Variants in NCKAP5 observed in about 807,000 individuals in gnomAD.
NCKAP5 encodes the protein nck-associated protein 5.
Under a neutral mutation model 167.0 loss-of-function variants are expected in NCKAP5, and 92 were observed. The ratio of observed to expected loss-of-function variants is 0.55; its 90% confidence interval spans 0.47 to 0.66. The LOEUF (loss-of-function observed/expected upper bound fraction) is 0.66. Among genes scored for constraint, NCKAP5 ranks in the 30% least tolerant of loss-of-function variants. NCKAP5 has a pLI of 0.00. For synonymous variants in NCKAP5, 891 were observed against 877.4 expected, an observed-to-expected ratio of 1.02 and a Z score of -0.27; for missense variants, 2,378 against 2,315.0, an observed-to-expected ratio of 1.03 and a Z score of -0.56.
chr2:132,966,732 C>G (rs1176767877), intron 7 of NCKAP5, among the ~76,000 whole-genome samples: 1 of 152,148 alleles, frequency 6.6e-6, no homozygotes, highest in Non-Finnish European at 1.5e-5. Flanking sequence ...ACCTAACAGC[C>G]AACAGCACTG....
intron 10 of NCKAP5, among the ~76,000 whole-genome samples, chr2:132,862,029 TA>T (rs1689953734): frequency 6.6e-6 from 1 of 152,314 alleles, no homozygotes; most frequent in Admixed American, 6.5e-5. Context: ...AAAGAGCGTT[TA>T]AGTTTCTCAA....
At chr2:133,314,372 G>T (rs1559376173) in intron 3 of NCKAP5, among the ~76,000 whole-genome samples, 1 of 152,102 alleles carries the variant, frequency 6.6e-6, no homozygotes, top group African/African-American at 2.4e-5. Context: ...CACCTGGTGG[G>T]CTAGTTAAAA....
chr2:133,268,042 T>A (rs1169809597), intron 4 of NCKAP5, among the ~76,000 whole-genome samples: 1 of 152,252 alleles, frequency 6.6e-6, no homozygotes, highest in African/African-American at 2.4e-5. Context: ...GTTTGGGAAA[T>A]AATTTGTTGG....
At chr2:132,932,683 C>T (rs1337003317) in intron 8 of NCKAP5, among the ~76,000 whole-genome samples, 2 of 152,040 alleles carry the variant, frequency 1.3e-5, no homozygotes, top group African/African-American at 4.8e-5. Flanking sequence ...ACTTTTTCCA[C>T]AAAAGGGGAA....
chr2:132,751,177 TC>T (rs1404535967), intron 16 of NCKAP5, among the ~76,000 whole-genome samples: 1 of 152,110 alleles, frequency 6.6e-6, no homozygotes, highest in Non-Finnish European at 1.5e-5. Context: ...GGTGCCATTC[TC>T]ACAGGAGGGA....
chr2:133,321,752 C>T (rs1446289325), intron 3 of NCKAP5, among the ~76,000 whole-genome samples: 1 of 152,186 alleles, frequency 6.6e-6, no homozygotes, highest in Admixed American at 6.5e-5. Context: ...CTTGTTCTTG[C>T]TAAAGCTCAA....
the NCKAP5 span, among the ~76,000 whole-genome samples, chr2:133,637,572 T>C: frequency 7.3e-6 from 1 of 136,664 alleles, no homozygotes. Context: ...ATATAATCAT[T>C]GAAATATAAT....
In NCKAP5 at chr2:132,868,921, C is replaced by A; in HGVS notation, c.687+15G>T. On this transcript the variant is annotated intron_variant, in intron 10 of 19. Transcript: ENST00000409261. ...AAAAGTGCCTTGAAAAGAACAAAGT[C>A]AGAAAGTGACCTACCTTTTGAGTAA... The A allele has an allele frequency of 1.3e-6, 2 of 1,540,146 alleles. No individual in the cohort carries two copies. The highest frequency in any genetic ancestry group is 1.7e-6 in the Non-Finnish European group (2 of 1,143,466).
intron 8 of NCKAP5, among the ~76,000 whole-genome samples, chr2:132,960,297 G>T (rs1463299216): frequency 6.6e-6 from 1 of 152,162 alleles, no homozygotes; most frequent in African/African-American, 2.4e-5. Context: ...AGACAGCTCT[G>T]CAAATTAAAA....
At chr2:133,275,819 T>A (rs973458569) in intron 4 of NCKAP5, among the ~76,000 whole-genome samples, 7 of 151,838 alleles carry the variant, frequency 4.6e-5, no homozygotes, top group African/African-American at 1.7e-4. Flanking sequence ...CTTTCTTTTT[T>A]AAATAGATCA....
Position 133,233,883 on chromosome 2 carries a change from C to T in NCKAP5, c.144-20104G>A, listed in dbSNP as rs572404088. On this transcript the variant is annotated intron_variant, in intron 4 of 19. Transcript: ENST00000409261. The stretch of plus-strand genomic sequence containing the variant: ...CCTTCTCCCCACATACCTACAGAGG[C>T]GATTTCTTTGGAGCCTAATATTTGT... 5.3e-4 allele frequency among the ~76,000 whole-genome samples: 80 copies of T among 152,228 alleles called. 3 individuals carry two copies. In the South Asian group the frequency reaches 0.016, roughly 30 times the overall value.
intron 8 of NCKAP5, among the ~76,000 whole-genome samples, chr2:132,885,296 G>A (rs1692130369): frequency 6.6e-6 from 1 of 152,098 alleles, no homozygotes; most frequent in Admixed American, 6.6e-5. Context: ...TAAGCAGAGA[G>A]GGAAAGGAAA....
chr2:133,632,106 C>A, the NCKAP5 span, among the ~76,000 whole-genome samples: 1 of 152,178 alleles, frequency 6.6e-6, no homozygotes, highest in Non-Finnish European at 1.5e-5. Context: ...AGTGTCCTGT[C>A]CCCCAAGCTG....
At chr2:133,604,096 G>T in the NCKAP5 span, among the ~76,000 whole-genome samples, 5 of 152,220 alleles carry the variant, frequency 3.3e-5, no homozygotes, top group African/African-American at 1.2e-4. Context: ...GTTGTGCGAG[G>T]TAGGTAAGGC....
In NCKAP5 at chr2:133,190,535, G is replaced by C. The variant is rs567211177; in HGVS notation, c.207+23181C>G. On this transcript the variant is annotated intron_variant, in intron 5 of 19. Transcript: ENST00000409261. ...CTTCAAACTATACTACAAGGCTACA[G>C]TAACCAAAACAGCATGGTACTGGTA... is the stretch of plus-strand genomic sequence containing the variant. Among the ~76,000 whole-genome samples, 9 of 152,326 alleles carry C rather than the reference G, an allele frequency of 5.9e-5. No homozygotes were observed. The East Asian group carries it at 1.7e-3, about 29-fold the overall frequency.
At chr2:133,434,543 TG>T (rs1004903263) in intron 3 of NCKAP5, among the ~76,000 whole-genome samples, 1 of 152,228 alleles carries the variant, frequency 6.6e-6, no homozygotes, top group African/African-American at 2.4e-5. Context: ...ATCTGCAGAA[TG>T]GGGTTTATAG....
At chr2:133,474,965 C>A (rs546105090) in intron 3 of NCKAP5, among the ~76,000 whole-genome samples, 191 of 152,274 alleles carry the variant, frequency 1.3e-3, no homozygotes, top group African/African-American at 4.4e-3. Flanking sequence ...TGCGTGCCAC[C>A]AAGCCCAGCT....
At chr2:133,218,379 C>T (rs878921368) in intron 4 of NCKAP5, among the ~76,000 whole-genome samples, 1 of 152,266 alleles carries the variant, frequency 6.6e-6, no homozygotes, top group African/African-American at 2.4e-5. Context: ...TCCGCTTCAG[C>T]ATTTAATCTG....
At chr2:132,981,540 G>T (rs933809464) in intron 7 of NCKAP5, among the ~76,000 whole-genome samples, 12 of 152,094 alleles carry the variant, frequency 7.9e-5, no homozygotes, top group African/African-American at 2.7e-4. Context: ...GTATCCCTAT[G>T]CTAATTCCTA....
Sources: gnomAD v4.1 joint callset for allele counts (sites outside exome capture counted in the v4.1 genomes callset) on GRCh38, gnomAD v4.1.1 for gene constraint, MANE v1.5 for transcripts, NCBI Gene and HGNC (gene_info 2026-07-23, HGNC 2026-07-21) for gene names.